ME1: variants seen among roughly 807,000 people sequenced by gnomAD.
ME1 encodes the protein NADP-dependent malic enzyme.
A neutral mutation model predicts 66.4 loss-of-function variants in ME1; 74 were observed. The observed-to-expected ratio is 1.11, with a 90% CI of 0.92 to 1.35. The LOEUF (loss-of-function observed/expected upper bound fraction) is 1.35, where lower values mean the gene tolerates loss of function less well. ME1 is among the 40% of genes most tolerant of loss of function. The pLI is 0.00. For synonymous variants in ME1, 251 were observed against 235.6 expected (o/e 1.07, Z -0.60); for missense variants, 750 against 694.1 (o/e 1.08, Z -0.90).
chr6:83,269,498 T>A (rs1562464794), intron 6 of ME1, among the ~76,000 whole-genome samples: 1 of 152,194 alleles, frequency 6.6e-6, no homozygotes, highest in Admixed American at 6.5e-5. Flanking sequence ...AACAATAACA[T>A]AAAACATTAC....
chr6:83,419,613 T>C (rs1252633920), intron 1 of ME1, among the ~76,000 whole-genome samples: 1 of 152,348 alleles, frequency 6.6e-6, no homozygotes, highest in African/African-American at 2.4e-5. Flanking sequence ...GACACAGAAG[T>C]GGCAGACATA....
intron 6 of ME1, among the ~76,000 whole-genome samples, chr6:83,299,996 G>A (rs571007447): frequency 2.0e-5 from 3 of 152,150 alleles, no homozygotes; most frequent in South Asian, 2.1e-4. Flanking sequence ...TGCTGGATTC[G>A]GTTTGCCAAT....
At chr6:83,416,178 A>G (rs1029102891) in intron 1 of ME1, among the ~76,000 whole-genome samples, 2 of 152,178 alleles carry the variant, frequency 1.3e-5, no homozygotes, top group African/African-American at 4.8e-5. Flanking sequence ...TACTGAACAC[A>G]TAGTACATGT....
chr6:83,235,965 G>T (rs895219447), intron 9 of ME1, among the ~76,000 whole-genome samples: 4 of 151,842 alleles, frequency 2.6e-5, no homozygotes, highest in Non-Finnish European at 4.4e-5. Context: ...ATATAAAAAA[G>T]ACATTAGAAA....
At chr6:83,318,131 C>T (rs1444495010) in intron 5 of ME1, among the ~76,000 whole-genome samples, 1 of 150,516 alleles carries the variant, frequency 6.6e-6, no homozygotes, top group Non-Finnish European at 1.5e-5. Context: ...CCCTTCCTTA[C>T]ACCTTATACA....
At chr6:83,370,273 G>A (rs1319973787) in intron 3 of ME1, among the ~76,000 whole-genome samples, 1 of 152,080 alleles carries the variant, frequency 6.6e-6, no homozygotes, top group Non-Finnish European at 1.5e-5. Flanking sequence ...GAGAGGAAAA[G>A]GCATAATAAA....
intron 1 of ME1, among the ~76,000 whole-genome samples, chr6:83,419,393 T>C (rs1434620692): frequency 1.3e-5 from 2 of 152,204 alleles, no homozygotes; most frequent in African/African-American, 2.4e-5. Context: ...AAAATTCACA[T>C]ACATACTCCC....
intron 6 of ME1, among the ~76,000 whole-genome samples, chr6:83,297,215 A>G (rs1767614996): frequency 6.6e-6 from 1 of 152,178 alleles, no homozygotes; most frequent in African/African-American, 2.4e-5. Flanking sequence ...AATTGCCATA[A>G]AATGAATAAA....
intron 3 of ME1, among the ~76,000 whole-genome samples, chr6:83,384,124 A>G (rs1769457610): frequency 6.6e-6 from 1 of 151,838 alleles, no homozygotes; most frequent in African/African-American, 2.4e-5. Flanking sequence ...ATAATGCTAC[A>G]ACGAACATAC....
chr6:83,341,506 G>A (rs1768585129), intron 5 of ME1, among the ~76,000 whole-genome samples: 1 of 151,998 alleles, frequency 6.6e-6, no homozygotes, highest in African/African-American at 2.4e-5. Context: ...TTAACTCTGG[G>A]TACAGCTAAA....
At chr6:83,367,675 A>C (rs900898188) in intron 3 of ME1, among the ~76,000 whole-genome samples, 3 of 152,172 alleles carry the variant, frequency 2.0e-5, no homozygotes, top group South Asian at 4.1e-4. Flanking sequence ...GACTTCTCTC[A>C]GCCTTCCCAG....
intron 7 of ME1, among the ~76,000 whole-genome samples, chr6:83,244,193 G>T (rs1179876041): frequency 6.6e-6 from 1 of 151,992 alleles, no homozygotes; most frequent in African/African-American, 2.4e-5. Context: ...AATCTCAGCA[G>T]TGTAAGAGAA....
intron 10 of ME1, among the ~76,000 whole-genome samples, chr6:83,228,295 G>T (rs530576610): frequency 9.2e-5 from 14 of 152,268 alleles, no homozygotes; most frequent in African/African-American, 3.1e-4. Context: ...TTCCAGGAGG[G>T]TCTTATCTAC....
At chr6:83,421,972 G>C (rs1339776016) in intron 1 of ME1, among the ~76,000 whole-genome samples, 1 of 152,112 alleles carries the variant, frequency 6.6e-6, no homozygotes, top group Admixed American at 6.6e-5. Context: ...AAATAAATCT[G>C]GAGGAAGTAC....
chr6:83,309,443 G>A (rs1459581916), intron 6 of ME1, among the ~76,000 whole-genome samples: 2 of 152,110 alleles, frequency 1.3e-5, no homozygotes, highest in African/African-American at 4.8e-5. Context: ...GGTACAAAGT[G>A]GTAATTCCAA....
At chr6:83,266,136 A>G (rs1766986075) in intron 6 of ME1, among the ~76,000 whole-genome samples, 1 of 152,206 alleles carries the variant, frequency 6.6e-6, no homozygotes, top group Non-Finnish European at 1.5e-5. Context: ...ACTACTTAGA[A>G]AAAGATAACA....
At chr6:83,392,784 A>G in intron 3 of ME1, 1 of 693,356 alleles carries the variant, frequency 1.4e-6, no homozygotes, top group Non-Finnish European at 2.6e-6. Flanking sequence ...TCATCTCTGC[A>G]CCCTCTGCTG....
At chr6:83,231,855 A>G (rs562771555) in intron 9 of ME1, among the ~76,000 whole-genome samples, 77 of 152,196 alleles carry the variant, frequency 5.1e-4, no homozygotes, top group African/African-American at 1.7e-3. Flanking sequence ...GTTTTTTTCA[A>G]GAGTCTCTAA....
chr6:83,398,336 CA>C (rs1264299758), intron 3 of ME1, 30 bp downstream of exon 3: 2 of 1,479,404 alleles, frequency 1.4e-6, no homozygotes, highest in East Asian at 2.4e-5. Context: ...AATAAAGACA[CA>C]AGTTGCATAT....
Sources: allele counts gnomAD v4.1 joint callset (sites outside exome capture counted in the v4.1 genomes callset), GRCh38; gene constraint gnomAD v4.1.1; transcripts MANE v1.5; gene names NCBI Gene and HGNC (gene_info 2026-07-23, HGNC 2026-07-21).